ANKRD34C: variants seen among roughly 807,000 people sequenced by gnomAD.
The protein encoded by ANKRD34C is ankyrin repeat domain 34C.
For missense variants in ANKRD34C, 563 were observed against 653.0 expected (o/e 0.86, Z 1.50); for synonymous variants, 260 against 253.6 (o/e 1.03, Z -0.24).
chr15:79,291,083 C>T (rs2058657747), intron 1 of ANKRD34C, among the ~76,000 whole-genome samples: 1 of 152,134 alleles, frequency 6.6e-6, no homozygotes, highest in African/African-American at 2.4e-5. Context: ...GATGATGAGT[C>T]ACTGTAATTT....
At chr15:79,287,427 A>T (rs1208274626) in intron 1 of ANKRD34C, among the ~76,000 whole-genome samples, 1 of 152,268 alleles carries the variant, frequency 6.6e-6, no homozygotes, top group Non-Finnish European at 1.5e-5. Flanking sequence ...TATCATTAAA[A>T]TATACATCCA....
chr15:79,285,852 T>A (rs2058642879), intron 1 of ANKRD34C, among the ~76,000 whole-genome samples: 2 of 152,178 alleles, frequency 1.3e-5, no homozygotes, highest in African/African-American at 4.8e-5. Flanking sequence ...AGGCCAAGGA[T>A]CTGAGAAGGC....
In ANKRD34C at chr15:79,297,769, A is replaced by G. The variant is rs1051782806; in HGVS notation, c.*2877A>G. 1.8e-5 allele frequency: 3 copies of G among 166,938 alleles called. No homozygotes were observed. The highest frequency in any genetic ancestry group is 1.3e-4 in the Admixed American group (2 of 15,288). 10.3% of individuals were successfully genotyped at this position (166,938 alleles called of 1,614,324 possible). ...TAACAAGAATGCTTTTTAAAAGTAT[A>G]TTTTAGATTCAAACATGCTTTCTAG... On this transcript the variant is annotated 3_prime_UTR_variant, in exon 2 of 2. Transcript: ENST00000421388.
intron 1 of ANKRD34C, among the ~76,000 whole-genome samples, chr15:79,285,647 T>C (rs1367559171): frequency 6.6e-6 from 1 of 152,220 alleles, no homozygotes; most frequent in Non-Finnish European, 1.5e-5. Flanking sequence ...ACAGGCCAGT[T>C]AAGTAACCTG....
At chr15:79,289,657 T>C (rs150340239) in intron 1 of ANKRD34C, among the ~76,000 whole-genome samples, 1 of 152,216 alleles carries the variant, frequency 6.6e-6, no homozygotes, top group African/African-American at 2.4e-5. Context: ...CGATTATCCA[T>C]CCACCCTCCT....
At chr15:79,291,497 G>A (rs1033882157) in intron 1 of ANKRD34C, among the ~76,000 whole-genome samples, 9 of 151,042 alleles carry the variant, frequency 6.0e-5, no homozygotes, top group East Asian at 1.9e-4. Flanking sequence ...ACAATGCTGT[G>A]TAGGACCACA....
chr15:79,291,380 T>A (rs545998532), intron 1 of ANKRD34C, among the ~76,000 whole-genome samples: 1 of 152,266 alleles, frequency 6.6e-6, no homozygotes, highest in South Asian at 2.1e-4. Flanking sequence ...GAAAGAAGCA[T>A]GTTTTCTCCA....
chr15:79,294,735 C>A lies in ANKRD34C; in HGVS notation c.1451C>A (p.Ser484Tyr). ...IPDIRSSSKP[S>Y]CSLASGLKSM... The stretch of plus-strand genomic sequence containing the variant: ...GATATTAGATCTAGCAGCAAACCTT[C>A]TTGCTCTCTTGCTAGTGGCTTAAAA... Residue 484 changes from serine (S) to tyrosine (Y), a missense_variant, in exon 2 of 2, where the codon TCT (serine) becomes TAT (tyrosine). Transcript: ENST00000421388. 1.3e-6 allele frequency: 2 copies of A among 1,551,754 alleles called. No homozygotes were observed. The highest frequency in any genetic ancestry group is 3.9e-5 in the Admixed American group (2 of 51,014).
At chr15:79,284,752 G>C (rs1596037945) in intron 1 of ANKRD34C, among the ~76,000 whole-genome samples, 1 of 152,156 alleles carries the variant, frequency 6.6e-6, no homozygotes, top group East Asian at 1.9e-4. Context: ...TAAGTAGGCA[G>C]GACTGGGGTT....
At chr15:79,284,802 C>G (rs752325661) in intron 1 of ANKRD34C, among the ~76,000 whole-genome samples, 2 of 152,190 alleles carry the variant, frequency 1.3e-5, no homozygotes, top group Non-Finnish European at 2.9e-5. Context: ...CCCAAAATTA[C>G]TCAGGTACTT....
At chr15:79,287,746 A>G (rs1367585019) in intron 1 of ANKRD34C, among the ~76,000 whole-genome samples, 1 of 152,212 alleles carries the variant, frequency 6.6e-6, no homozygotes, top group African/African-American at 2.4e-5. Flanking sequence ...GGAAGGAGGA[A>G]AAGTACTCTC....
At chr15:79,285,521 C>T (rs1329308098) in intron 1 of ANKRD34C, among the ~76,000 whole-genome samples, 1 of 152,124 alleles carries the variant, frequency 6.6e-6, no homozygotes, top group Non-Finnish European at 1.5e-5. Context: ...CTTATTTAGG[C>T]CTTCTAACAA....
Position 79,293,506 on chromosome 15 carries a change from C to T in ANKRD34C, c.222C>T (p.Asn74=), listed in dbSNP as rs868182521. ...KSKMVKYLLD[N]RADPNIQDKS... is the part of the protein sequence containing the mutation. ...AGATGGTGAAGTACCTGCTGGACAA[C>T]AGGGCAGACCCCAATATCCAAGATA... The change falls in exon 2 of 2, where the codon AAC becomes AAT. Residue 74 remains asparagine (N), a synonymous_variant. Transcript: ENST00000421388. 53 of 1,551,382 alleles carry T rather than the reference C, an allele frequency of 3.4e-5. No individual in the cohort carries two copies. In the Middle Eastern group the frequency reaches 6.7e-3, roughly 195 times the overall value.
At position 79,294,637 on chromosome 15, in the gene ANKRD34C, C is replaced by T; in HGVS notation, c.1353C>T (p.Leu451=). The T allele has an allele frequency of 1.3e-6, 2 of 1,551,732 alleles. No individual in the cohort carries two copies. Among genetic ancestry groups the T allele is most frequent in the Non-Finnish European group, 1.7e-6 (2 of 1,147,000 alleles). Residue 451 remains leucine, a synonymous_variant, in exon 2 of 2, where the codon CTC becomes CTT. Transcript: ENST00000421388. ...LLERRGSGTL[L]LDRISHTRPG... The stretch of plus-strand genomic sequence containing the variant: ...AACGACGAGGTTCTGGAACTCTGCT[C>T]CTTGATCGCATTTCTCACACTAGGC...
chr15:79,293,273 A>C lies in ANKRD34C; in HGVS notation c.-12A>C. 1 of 1,497,236 alleles carries C rather than the reference A, an allele frequency of 6.7e-7. No individual in the cohort carries two copies. The allele number at this position is 1,497,236 out of a possible 1,614,324, so 92.7% of individuals were successfully genotyped here. ...TGCTACTGTGGCTCAGGTCCTCTAA[A>C]CTGTAGCCAATATGATGGATGATGA... On this transcript the variant is annotated 5_prime_UTR_variant, in exon 2 of 2. Transcript: ENST00000421388.
In ANKRD34C at chr15:79,293,779, AC is replaced by A; in HGVS notation, c.496del (p.Gln166SerfsTer11). 1 of 1,551,648 alleles carries A rather than the reference AC, an allele frequency of 6.4e-7. No individual in the cohort carries two copies. The highest frequency in any genetic ancestry group is 8.7e-7 in the Non-Finnish European group (1 of 1,146,970). ...KSSSGTKTTK[Q>X]YLNVPPSPKV... ...CGTCTTCAGGCACCAAAACCACCAA[AC>A]AGTATCTTAATGTCCCTCCTTCACC... On this transcript the variant is annotated frameshift_variant, in exon 2 of 2. Coordinates refer to ENST00000421388, the MANE Select transcript of ANKRD34C (RefSeq NM_001146341.2). LOFTEE classifies it low-confidence loss of function (END_TRUNC).
At position 79,293,393 on chromosome 15, in the gene ANKRD34C, A is replaced by G; in HGVS notation, c.109A>G (p.Ile37Val). Residue 37 changes from isoleucine (I) to valine (V), a missense_variant, in exon 2 of 2, where the codon ATC becomes GTC. Coordinates refer to ENST00000421388, the MANE Select transcript of ANKRD34C (RefSeq NM_001146341.2). ...TRLLLEGGAYINESNDKGETA... is the reference protein window; with the variant it reads ...TRLLLEGGAYVNESNDKGETA... ...GCTGCTCTTGGAAGGGGGAGCTTAT[A>G]TCAATGAAAGCAATGACAAAGGCGA... The G allele has an allele frequency of 6.4e-7, 1 of 1,551,708 alleles. No individual in the cohort carries two copies. Among genetic ancestry groups the G allele is most frequent in the Non-Finnish European group, 8.7e-7 (1 of 1,146,996 alleles).
At chr15:79,290,832 G>T (rs2058657206) in intron 1 of ANKRD34C, among the ~76,000 whole-genome samples, 1 of 152,166 alleles carries the variant, frequency 6.6e-6, no homozygotes, top group African/African-American at 2.4e-5. Context: ...CAGAGTGTGG[G>T]CTTTGGTTCA....
chr15:79,290,331 C>T (rs1016108139), intron 1 of ANKRD34C, among the ~76,000 whole-genome samples: 1 of 151,486 alleles, frequency 6.6e-6, no homozygotes, highest in African/African-American at 2.4e-5. Context: ...AGCCTATTTT[C>T]TTCTTGATGG....
Sources: gnomAD v4.1 joint callset for allele counts (sites outside exome capture counted in the v4.1 genomes callset) on GRCh38, gnomAD v4.1.1 for gene constraint, MANE v1.5 for transcripts, NCBI Gene and HGNC (gene_info 2026-07-23, HGNC 2026-07-21) for gene names.